Variants in RAP1GAP observed in about 807,000 individuals in gnomAD.
The protein encoded by RAP1GAP is rap1 GTPase-activating protein 1.
Under a neutral mutation model 87.2 loss-of-function variants are expected in RAP1GAP, and 35 were observed. The ratio of observed to expected loss-of-function variants is 0.40; its 90% CI spans 0.31 to 0.53. The LOEUF (loss-of-function observed/expected upper bound fraction) is 0.53, where lower values mean the gene tolerates loss of function less well. RAP1GAP is among the 20% of genes least tolerant of loss of function. The probability of loss-of-function intolerance (pLI) is 0.48; values close to 1 mark genes in which losing one functional copy is unlikely to be tolerated. For missense variants in RAP1GAP, 734 were observed against 898.9 expected (o/e 0.82, Z 2.35); for synonymous variants, 375 against 363.9 (o/e 1.03, Z -0.35).
chr1:21,664,445 C>T (rs1051264313), intron 1 of RAP1GAP, among the ~76,000 whole-genome samples: 13 of 152,270 alleles, frequency 8.5e-5, no homozygotes, highest in African/African-American at 2.9e-4. Context: ...AGACTGACCC[C>T]GATTTGTCCC....
intron 10 of RAP1GAP, 74 bp from the exon 11 acceptor site, chr1:21,612,183 G>T: frequency 8.1e-7 from 1 of 1,232,610 alleles, no homozygotes. Flanking sequence ...CCCGTGCCAA[G>T]CACTGAGCCA....
rs1455417148 is a variant in RAP1GAP, at chr1:21,634,151, T to G, written c.-112-7754A>C. ...TGGCTTGCCCCTGTCCCTGCCAAAG[T>G]GCCAGGGAAGGTGGCCGGGGCAGCC... On this transcript the variant is annotated intron_variant, in intron 2 of 24. Coordinates refer to ENST00000374765, the MANE Select transcript of RAP1GAP (RefSeq NM_002885.4). This position sits in a 1 kb window ranked among gnomAD's most constrained non-coding sequence, Gnocchi z 4.1. 6.6e-6 allele frequency among the ~76,000 whole-genome samples: 1 copy of G among 151,214 alleles called. No homozygotes were observed. Among genetic ancestry groups the G allele is most frequent in the Non-Finnish European group, 1.5e-5 (1 of 67,910 alleles).
At chr1:21,601,072 G>A (rs1339177349) in intron 20 of RAP1GAP, among the ~76,000 whole-genome samples, 2 of 148,552 alleles carry the variant, frequency 1.3e-5, no homozygotes, top group African/African-American at 2.5e-5. Flanking sequence ...CCAGGCTAGA[G>A]TGCAGTGGCT....
rs1434175925 is a variant in RAP1GAP at position 21,634,539 on chromosome 1, G to T, written c.-112-8142C>A. Among the ~76,000 whole-genome samples the T allele has an allele frequency of 6.6e-6, 1 of 152,214 alleles. No individual in the cohort carries two copies. Among genetic ancestry groups the T allele is most frequent in the East Asian group, 1.9e-4 (1 of 5,192 alleles). On this transcript the variant is annotated intron_variant, in intron 2 of 24. Transcript: ENST00000374765. This position sits in a 1 kb window ranked among gnomAD's most constrained non-coding sequence, Gnocchi z 4.1. The stretch of plus-strand genomic sequence containing the variant: ...TGGCAGGGTCCCCCTGGGGGTGTGG[G>T]TGGGAGACTCAGGCCCCAAGCTGGG...
At position 21,626,354 on chromosome 1, in the gene RAP1GAP, G is replaced by A. The variant is rs1423850770; in HGVS notation, c.-69C>T. ...GAGGGAACTAAGTTCACTCGTGACA[G>A]GTCTAGTGCCTGAGGGAAGTGCTGG... On this transcript the variant is annotated 5_prime_UTR_variant, in exon 3 of 25. Coordinates refer to ENST00000374765, the MANE Select transcript of RAP1GAP (RefSeq NM_002885.4). 6.2e-7 allele frequency: 1 copy of A among 1,613,216 alleles called. No homozygotes were observed. Among genetic ancestry groups the A allele is most frequent in the Non-Finnish European group, 8.5e-7 (1 of 1,179,372 alleles).
At chr1:21,647,629 T>C (rs1224166814) in intron 2 of RAP1GAP, among the ~76,000 whole-genome samples, 1 of 151,990 alleles carries the variant, frequency 6.6e-6, no homozygotes, top group South Asian at 2.1e-4. Flanking sequence ...AGAGGGAAAA[T>C]GACTTGCCAA....
chr1:21,653,543 A>ACTTCCTTCCTTCCTTC (rs71569840), intron 1 of RAP1GAP, among the ~76,000 whole-genome samples: 57 of 124,154 alleles, frequency 4.6e-4, no homozygotes, highest in East Asian at 1.2e-3. Flanking sequence ...GAAGGGAGGA[A>ACTTCCTTCCTTCCTTC]CTTCCTTCCT....
At position 21,618,989 on chromosome 1, in the gene RAP1GAP, C is replaced by A. The variant is rs754567531; in HGVS notation, c.66+36G>T. 3.8e-6 allele frequency: 6 copies of A among 1,570,994 alleles called. No individual in the cohort carries two copies. In the East Asian group the frequency reaches 1.4e-4, roughly 36 times the overall value. On this transcript the variant is annotated intron_variant, in intron 5 of 24. Transcript: ENST00000374765. The stretch of plus-strand genomic sequence containing the variant: ...CAGCACTTCCCGGACCCCCTCCACC[C>A]CCTAGAGAGGGAGGCAGACTGCCAG...
chr1:21,598,987 C>A (rs1013355700), intron 21 of RAP1GAP, among the ~76,000 whole-genome samples: 1 of 152,258 alleles, frequency 6.6e-6, no homozygotes, highest in African/African-American at 2.4e-5. Flanking sequence ...CCGGGCAAAG[C>A]CCGAGGACTG....
chr1:21,657,124 T>A (rs1476374355), intron 1 of RAP1GAP, among the ~76,000 whole-genome samples: 2 of 152,226 alleles, frequency 1.3e-5, no homozygotes, highest in Non-Finnish European at 2.9e-5. Context: ...GCCACGCACA[T>A]GCAAAGAGTC....
At position 21,613,726 on chromosome 1, in the gene RAP1GAP, C is replaced by G. The variant is rs370013982; in HGVS notation, c.396-20G>C. 13 of 1,594,988 alleles carry G rather than the reference C, an allele frequency of 8.2e-6. No individual in the cohort carries two copies. The highest frequency in any genetic ancestry group is 1.1e-5 in the Non-Finnish European group (13 of 1,163,444). On this transcript the variant is annotated intron_variant, in intron 8 of 24. Transcript: ENST00000374765. This position sits in a 1 kb window ranked among gnomAD's most constrained non-coding sequence, Gnocchi z 4.7. ...TTGGTCCTGAGAAGAGAAAGTCACA[C>G]GATGAAGGCCTGGGCAGCAGGACAG...
At chr1:21,617,285 C>A in intron 7 of RAP1GAP, 21 bp downstream of exon 7, 1 of 1,555,096 alleles carries the variant, frequency 6.4e-7, no homozygotes, top group Non-Finnish European at 8.7e-7. Context: ...GCCAGCCCCG[C>A]TGCACCAGCC....
At chr1:21,656,170 C>T (rs1386276891) in intron 1 of RAP1GAP, among the ~76,000 whole-genome samples, 3 of 152,158 alleles carry the variant, frequency 2.0e-5, no homozygotes, top group South Asian at 4.1e-4. Flanking sequence ...CGGTGGCTCA[C>T]GCCTGTGATC....
At chr1:21,651,324 G>A in intron 1 of RAP1GAP, 2 of 438,992 alleles carry the variant, frequency 4.6e-6, no homozygotes, top group East Asian at 1.4e-4. Flanking sequence ...GGGCCCAACA[G>A]CTGCAGAGGC....
chr1:21,598,191 C>T, intron 22 of RAP1GAP, 127 bp from the exon 23 acceptor site: 6 of 772,604 alleles, frequency 7.8e-6, no homozygotes, highest in Non-Finnish European at 1.2e-5. Context: ...CTTGCCATCC[C>T]CCATTATCCT....
chr1:21,627,810 C>A (rs1005251335), intron 2 of RAP1GAP, among the ~76,000 whole-genome samples: 1 of 152,146 alleles, frequency 6.6e-6, no homozygotes, highest in Non-Finnish European at 1.5e-5. Flanking sequence ...CTGGAGGCCT[C>A]TCCACCTCCC....
chr1:21,604,015 G>T, intron 18 of RAP1GAP: 1 of 906,196 alleles, frequency 1.1e-6, no homozygotes, highest in Non-Finnish European at 1.6e-6. Context: ...GAGAGGCAGG[G>T]AAAGGAGGAA....
chr1:21,623,980 T>C (rs982354754), intron 3 of RAP1GAP, among the ~76,000 whole-genome samples: 1 of 152,170 alleles, frequency 6.6e-6, no homozygotes, highest in African/African-American at 2.4e-5. Context: ...TGTCTTTCTG[T>C]GTGTATGGGA....
At chr1:21,650,423 C>T (rs565771565) in intron 1 of RAP1GAP, among the ~76,000 whole-genome samples, 10 of 152,108 alleles carry the variant, frequency 6.6e-5, no homozygotes, top group South Asian at 4.1e-4. Flanking sequence ...CCCCAGGACG[C>T]ATGTGTGGGT....
Sources: gnomAD v4.1 joint callset for allele counts (sites outside exome capture counted in the v4.1 genomes callset) on GRCh38, gnomAD v4.1.1 for gene constraint, Gnocchi (gnomAD v3.1) non-coding constraint, MANE v1.5 for transcripts, NCBI Gene and HGNC (gene_info 2026-07-23, HGNC 2026-07-21) for gene names.